ATP8B1: variants seen among roughly 807,000 people sequenced by gnomAD.
ATP8B1 encodes the protein ATPase phospholipid transporting 8B1, also known as phospholipid-transporting ATPase IC.
ATP8B1 carries 80 observed loss-of-function variants against 149.9 expected under a neutral mutation model. The observed-to-expected ratio is 0.53, with a 90% CI of 0.45 to 0.64. The LOEUF (loss-of-function observed/expected upper bound fraction) is 0.64. ATP8B1 is among the 30% of genes least tolerant of loss of function. The pLI is 0.00. For missense variants in ATP8B1, 1,247 were observed against 1,552.6 expected (o/e 0.80, Z 3.31); for synonymous variants, 536 against 562.8 (o/e 0.95, Z 0.67).
intron 1 of ATP8B1, among the ~76,000 whole-genome samples, chr18:57,799,439 G>A (rs1297877989): frequency 6.6e-6 from 1 of 152,128 alleles, no homozygotes; most frequent in Non-Finnish European, 1.5e-5. Context: ...GGCCGGGTGC[G>A]GTGGCTCACG....
intron 2 of ATP8B1, among the ~76,000 whole-genome samples, chr18:57,706,877 G>C (rs764685118): frequency 5.3e-5 from 8 of 152,218 alleles, no homozygotes; most frequent in Non-Finnish European, 1.2e-4. Flanking sequence ...AAGCCAAGGA[G>C]AGAAGCCTAG....
At chr18:57,725,223 C>A in intron 2 of ATP8B1, among the ~76,000 whole-genome samples, 5 of 116,948 alleles carry the variant, frequency 4.3e-5, no homozygotes, top group South Asian at 3.2e-4. Flanking sequence ...GCACAATGTG[C>A]ACATGTACCC....
Position 57,671,475 on chromosome 18 carries a change from G to A in ATP8B1, c.1925C>T (p.Ala642Val), listed in dbSNP as rs1911214856. The stretch of plus-strand genomic sequence containing the variant: ...AATAAAAGTGAAACTTACATCCAGG[G>A]CATCCTGTGTTTCTTGCTTAGTAGG... ...MNPTKQETQD[A>V]LDIFANETLR... Residue 642 changes from alanine to valine, a missense_variant, in exon 17 of 28, where the codon GCC becomes GTC. Physicochemically the swap from Ala to Val is moderately conservative, Grantham distance 64. Around this residue, in one of 3 missense-constraint regions of ATP8B1, gnomAD observed 853 missense variants for 1,035.7 expected, o/e 0.82. Transcript: ENST00000648908. 1.2e-6 allele frequency: 2 copies of A among 1,609,090 alleles called. No individual in the cohort carries two copies. Among genetic ancestry groups the A allele is most frequent in the Middle Eastern group, 1.7e-4 (1 of 6,056 alleles).
At chr18:57,678,686 C>T (rs1222202809) in intron 15 of ATP8B1, among the ~76,000 whole-genome samples, 1 of 75,106 alleles carries the variant, frequency 1.3e-5, no homozygotes, top group Non-Finnish European at 3.1e-5. Context: ...CGATTCCCAG[C>T]CAATGCAGCA....
At chr18:57,759,651 TA>T (rs113413183) in intron 1 of ATP8B1, among the ~76,000 whole-genome samples, 9 of 143,892 alleles carry the variant, frequency 6.3e-5, no homozygotes, top group Admixed American at 1.4e-4. Flanking sequence ...CTACTAAAAA[TA>T]AAAAAAAAAG....
At chr18:57,708,201 A>C (rs1281019764) in intron 2 of ATP8B1, among the ~76,000 whole-genome samples, 1 of 148,932 alleles carries the variant, frequency 6.7e-6, no homozygotes, top group Non-Finnish European at 1.5e-5. Flanking sequence ...TAGACTATTG[A>C]GGAATGCAAA....
intron 1 of ATP8B1, among the ~76,000 whole-genome samples, chr18:57,738,889 G>A (rs2079884754): frequency 6.6e-6 from 1 of 152,136 alleles, no homozygotes; most frequent in South Asian, 2.1e-4. Context: ...ATATGTTGAA[G>A]CCATAACACC....
At chr18:57,768,688 C>T (rs1002802911) in intron 1 of ATP8B1, among the ~76,000 whole-genome samples, 4 of 151,628 alleles carry the variant, frequency 2.6e-5, no homozygotes, top group Non-Finnish European at 5.9e-5. Flanking sequence ...AATCCTTACT[C>T]CAAGTTCTAA....
At chr18:57,757,503 G>A (rs531790293) in intron 1 of ATP8B1, among the ~76,000 whole-genome samples, 27 of 150,892 alleles carry the variant, frequency 1.8e-4, no homozygotes, top group Admixed American at 1.5e-3. Flanking sequence ...AGTAAAAAAT[G>A]TATACACACA....
Position 57,732,133 on chromosome 18 carries a change from A to ATG in ATP8B1, c.-25-303_-25-302dup, listed in dbSNP as rs71171076. 1,310 of 48,092 alleles carry ATG rather than the reference A, an allele frequency of 0.027. 427 individuals carry two copies. The highest frequency in any genetic ancestry group is 0.21 in the South Asian group (314 of 1,514). 3.0% of individuals were successfully genotyped at this position (48,092 alleles called of 1,614,324 possible). ...TGTATATATGTATATATATGTGTATATGTATATATGTGTATATATGTATAT... is the reference window on the plus strand; with the variant it reads ...TGTATATATGTATATATATGTGTATATGTGTATATATGTGTATATATGTATAT... On this transcript the variant is annotated intron_variant, in intron 1 of 27. Transcript: ENST00000648908.
intron 18 of ATP8B1, 103 bp downstream of exon 18, chr18:57,669,215 A>G (rs1005529728): frequency 8.1e-6 from 10 of 1,238,308 alleles, no homozygotes; most frequent in Non-Finnish European, 1.0e-5. Flanking sequence ...TGCTGAAGTT[A>G]CAATTATCTC....
At position 57,656,377 on chromosome 18, in the gene ATP8B1, C is replaced by T. The variant is rs866662083; in HGVS notation, c.2708-960G>A. Among the ~76,000 whole-genome samples the T allele has an allele frequency of 2.7e-3, 395 of 143,746 alleles. 1 individual carries two copies. Among genetic ancestry groups the T allele is most frequent in the Middle Eastern group, 0.011 (3 of 278 alleles). The allele number at this position is 143,746 out of a possible 152,430, so 94.3% of individuals were successfully genotyped here. ...CTTGAGGTAAGAAATAGTTATATTT[C>T]TTTCTCTCTCTTTTTTTTTTTTTTT... On this transcript the variant is annotated intron_variant, in intron 22 of 27. Transcript: ENST00000648908.
At chr18:57,648,851 C>CTT (rs1382753344) in intron 27 of ATP8B1, 139 bp from the exon 28 acceptor site, 5 of 521,566 alleles carry the variant, frequency 9.6e-6, no homozygotes, top group Non-Finnish European at 1.7e-5. Context: ...TCTGTCCCCA[C>CTT]TTGTGTGTGT....
At chr18:57,793,485 C>T (rs564743888) in intron 1 of ATP8B1, among the ~76,000 whole-genome samples, 42 of 152,106 alleles carry the variant, frequency 2.8e-4, no homozygotes, top group African/African-American at 9.2e-4. Flanking sequence ...CACACCACTC[C>T]AAGGAGCAAT....
chr18:57,686,755 C>T (rs1912270746), intron 13 of ATP8B1, among the ~76,000 whole-genome samples: 2 of 152,176 alleles, frequency 1.3e-5, no homozygotes, highest in African/African-American at 4.8e-5. Flanking sequence ...AGGCTGGTCT[C>T]AAAGTCCTGG....
rs1910555568 is a variant in ATP8B1 at position 57,662,762 on chromosome 18, T to G, written c.2286-147A>C. 8.4e-6 allele frequency: 8 copies of G among 955,336 alleles called. No homozygotes were observed. In the South Asian group the frequency reaches 1.4e-4, roughly 16 times the overall value. The allele number at this position is 955,336 out of a possible 1,614,324, so 59.2% of individuals were successfully genotyped here. ...TTGTTTCTTTATTTTATTTTCATTA[T>G]AATTTTTTTGAGAGAGGGTCTCACT... On this transcript the variant is annotated intron_variant, in intron 20 of 27. Transcript: ENST00000648908.
chr18:57,775,969 T>C (rs1176822876), intron 1 of ATP8B1, among the ~76,000 whole-genome samples: 3 of 152,096 alleles, frequency 2.0e-5, no homozygotes, highest in African/African-American at 7.2e-5. Context: ...AATCTATCCA[T>C]TCATGTGCTC....
At chr18:57,795,151 C>T (rs1466205068) in intron 1 of ATP8B1, among the ~76,000 whole-genome samples, 3 of 152,018 alleles carry the variant, frequency 2.0e-5, no homozygotes, top group Non-Finnish European at 4.4e-5. Context: ...GTCATCTCAA[C>T]ACTAGGAGGC....
rs541474497 is a variant in ATP8B1 at position 57,669,334 on chromosome 18, A to T, written c.2081T>A (p.Ile694Asn). The stretch of plus-strand genomic sequence containing the variant: ...AAAACTCACAATTAAGTCTTTTTCA[A>T]TCTCCTCATATACTTTATCCAGAGC... Reference protein sequence around the residue: ...DEALDKVYEEIEKDLILLGAT... With the variant: ...DEALDKVYEENEKDLILLGAT... Residue 694 changes from isoleucine to asparagine, a missense_variant, in exon 18 of 28, where the codon ATT becomes AAT. Around this residue, in one of 3 missense-constraint regions of ATP8B1, gnomAD observed 853 missense variants for 1,035.7 expected, o/e 0.82. Coordinates refer to ENST00000648908, the MANE Select transcript of ATP8B1 (RefSeq NM_001374385.1). The T allele has an allele frequency of 3.1e-6, 5 of 1,601,398 alleles. No individual in the cohort carries two copies. In the East Asian group the frequency reaches 8.9e-5, roughly 29 times the overall value.
Sources: allele counts gnomAD v4.1 joint callset (sites outside exome capture counted in the v4.1 genomes callset), GRCh38; gene constraint gnomAD v4.1.1; regional missense constraint gnomAD v4.1.1; transcripts MANE v1.5; gene names NCBI Gene and HGNC (gene_info 2026-07-23, HGNC 2026-07-21).